Variants in THOC2 observed in about 807,000 individuals in gnomAD.
THOC2 encodes THO complex subunit 2.
THOC2 carries 10 observed loss-of-function variants against 128.4 expected under a neutral mutation model. That is an observed-to-expected ratio of 0.08 (90% CI 0.05 to 0.13). The LOEUF (loss-of-function observed/expected upper bound fraction) is 0.13, where lower values mean the gene tolerates loss of function less well. Among genes scored for constraint, THOC2 ranks in the 10% least tolerant of loss-of-function variants. The pLI is 1.00. For missense variants in THOC2, 535 were observed against 1,155.7 expected, an observed-to-expected ratio of 0.46 and a Z score of 7.79; for synonymous variants, 393 against 396.9, an observed-to-expected ratio of 0.99 and a Z score of 0.12.
At chrX:123,725,086 C>G (rs967801243) in intron 1 of THOC2, among the ~76,000 whole-genome samples, 15 of 111,205 alleles carry the variant, frequency 1.3e-4, no homozygotes, top group Admixed American at 3.8e-4. Flanking sequence ...TCCAGGGTGA[C>G]AGAGCAAGAT....
chrX:123,650,102 G>A (rs753261242), intron 12 of THOC2, among the ~76,000 whole-genome samples: 14 of 112,029 alleles, frequency 1.2e-4, no homozygotes, highest in East Asian at 2.8e-4. Flanking sequence ...GACTAACAGC[G>A]GATCTCTCAG....
intron 8 of THOC2, among the ~76,000 whole-genome samples, chrX:123,672,516 A>G (rs899003456): frequency 6.3e-5 from 7 of 111,935 alleles, no homozygotes; most frequent in East Asian, 5.6e-4. Flanking sequence ...TGTCAAGTGC[A>G]GAAGAACCAT....
In THOC2 at chrX:123,696,849, T is replaced by G; in HGVS notation, c.346-7A>C. 1 of 1,159,170 alleles carries G rather than the reference T, an allele frequency of 8.6e-7. No individual in the cohort carries two copies. The stretch of plus-strand genomic sequence containing the variant: ...CTGTGTCTGAAACTAAATACTGTAT[T>G]AAAAAATATTAAAGGTCATTTATTC... On this transcript the variant is annotated splice_region_variant and splice_polypyrimidine_tract_variant and intron_variant, in intron 5 of 38. Transcript: ENST00000245838.
chrX:123,694,149 A>G (rs1253570274), intron 7 of THOC2, among the ~76,000 whole-genome samples: 1 of 111,097 alleles, frequency 9.0e-6, no homozygotes, highest in Non-Finnish European at 1.9e-5. Flanking sequence ...TGTCAACAAA[A>G]AAGGATATAA....
chrX:123,638,061 T>C lies in THOC2; in HGVS notation c.1903A>G (p.Ile635Val). 1 of 1,199,292 alleles carries C rather than the reference T, an allele frequency of 8.3e-7. No homozygotes were observed. The highest frequency in any genetic ancestry group is 1.1e-6 in the Non-Finnish European group (1 of 887,117). The change falls in exon 18 of 39, where the codon ATC becomes GTC. Residue 635 changes from isoleucine to valine, a missense_variant. Around this residue, in one of 9 missense-constraint regions of THOC2, gnomAD observed 197 missense variants for 313.4 expected, o/e 0.63. Transcript: ENST00000245838. ...KERMKHDDTT[I>V]SSWLQSLASF... Reference sequence around the variant, plus strand: ...TACTTACTCTGAAGCCAGCTTGAGATGGTTGTGTCATCATGTTTCATTCTT... The same window carrying C: ...TACTTACTCTGAAGCCAGCTTGAGACGGTTGTGTCATCATGTTTCATTCTT...
intron 7 of THOC2, 54 bp from the exon 8 acceptor site, chrX:123,686,768 T>C: frequency 2.1e-6 from 2 of 936,317 alleles, no homozygotes; most frequent in Admixed American, 3.1e-5. Flanking sequence ...TCATTTCTAG[T>C]GAAGCCATTA....
At chrX:123,682,007 C>T (rs920045819) in intron 8 of THOC2, among the ~76,000 whole-genome samples, 6 of 111,173 alleles carry the variant, frequency 5.4e-5, no homozygotes, top group African/African-American at 2.0e-4. Flanking sequence ...TGCGATGAGC[C>T]GAGATTGCGC....
chrX:123,614,551 AG>A (rs1318318321), intron 33 of THOC2, among the ~76,000 whole-genome samples: 1 of 110,019 alleles, frequency 9.1e-6, no homozygotes, highest in African/African-American at 3.3e-5. Context: ...AAAAAAAAAA[AG>A]AAAAAGAAAA....
chrX:123,656,210 C>G (rs2048566670), intron 12 of THOC2, among the ~76,000 whole-genome samples: 1 of 106,993 alleles, frequency 9.3e-6, no homozygotes, highest in Non-Finnish European at 1.9e-5. Flanking sequence ...GTAATCCCAG[C>G]TACTGAGGAG....
At chrX:123,721,822 C>G (rs1382186475) in intron 1 of THOC2, among the ~76,000 whole-genome samples, 1 of 110,764 alleles carries the variant, frequency 9.0e-6, no homozygotes, top group Non-Finnish European at 1.9e-5. Context: ...ATAACACATC[C>G]TTTCAATAGC....
At chrX:123,684,758 T>C (rs1206911495) in intron 8 of THOC2, among the ~76,000 whole-genome samples, 3 of 112,394 alleles carry the variant, frequency 2.7e-5, no homozygotes, top group Admixed American at 1.9e-4. Flanking sequence ...TTGTTTGGTA[T>C]TGAAAAGCTA....
chrX:123,656,097 C>G (rs904370597), intron 12 of THOC2, among the ~76,000 whole-genome samples: 3 of 107,101 alleles, frequency 2.8e-5, no homozygotes, highest in Admixed American at 2.0e-4. Context: ...CCAAGGTGGG[C>G]AGATCACCTG....
Position 123,644,561 on chromosome X carries a change from A to G in THOC2, c.1661+14T>C. On this transcript the variant is annotated intron_variant, in intron 15 of 38. Coordinates refer to ENST00000245838, the MANE Select transcript of THOC2 (RefSeq NM_001081550.2). ...TATAATTTAGATTAATATGAAAAAT[A>G]AATTAAAACTTACTTCATGATATAT... The G allele has an allele frequency of 9.2e-7, 1 of 1,089,985 alleles. No homozygotes were observed. The highest frequency in any genetic ancestry group is 1.2e-6 in the Non-Finnish European group (1 of 805,251). The allele number at this position is 1,089,985 out of a possible 1,213,427, so 89.8% of individuals were successfully genotyped here.
intron 1 of THOC2, 116 bp downstream of exon 1, chrX:123,732,836 C>T: frequency 2.4e-6 from 2 of 835,361 alleles, no homozygotes; most frequent in Non-Finnish European, 3.6e-6. Flanking sequence ...CCACGCCCGC[C>T]GCCCGGGTGG....
At chrX:123,656,581 G>A (rs1478486017) in intron 12 of THOC2, among the ~76,000 whole-genome samples, 1 of 110,580 alleles carries the variant, frequency 9.0e-6, no homozygotes, top group Non-Finnish European at 1.9e-5. Context: ...ATGGTGGCAC[G>A]TGCCTGTAAT....
intron 15 of THOC2, among the ~76,000 whole-genome samples, chrX:123,643,660 T>C (rs1305217448): frequency 1.8e-5 from 2 of 108,653 alleles, no homozygotes; most frequent in Non-Finnish European, 3.8e-5. Flanking sequence ...TATCCTCCCA[T>C]AGCACTTTAT....
chrX:123,714,440 A>G (rs146795409), intron 1 of THOC2, among the ~76,000 whole-genome samples: 37 of 112,296 alleles, frequency 3.3e-4, no homozygotes, highest in Non-Finnish European at 6.0e-4. Flanking sequence ...TATAACAATT[A>G]TAAATATATA....
At chrX:123,698,657 C>G (rs2050552337) in intron 4 of THOC2, among the ~76,000 whole-genome samples, 3 of 107,673 alleles carry the variant, frequency 2.8e-5, no homozygotes, top group Non-Finnish European at 5.8e-5. Flanking sequence ...GGTGGATCAC[C>G]TGAGGTCAGG....
At chrX:123,638,747 C>T (rs771391200) in intron 17 of THOC2, among the ~76,000 whole-genome samples, 187 bp downstream of exon 17, 3 of 104,764 alleles carry the variant, frequency 2.9e-5, no homozygotes, top group African/African-American at 1.1e-4. Context: ...CACACACACA[C>T]ACACTCTCTC....
Sources: gnomAD v4.1 joint callset for allele counts (sites outside exome capture counted in the v4.1 genomes callset) on GRCh38, gnomAD v4.1.1 for gene constraint, gnomAD v4.1.1 regional missense constraint, MANE v1.5 for transcripts, NCBI Gene and HGNC (gene_info 2026-07-23, HGNC 2026-07-21) for gene names.